SPATA9: variants seen among roughly 807,000 people sequenced by gnomAD.
The protein encoded by SPATA9 is spermatogenesis-associated protein 9.
A neutral mutation model predicts 25.5 loss-of-function variants in SPATA9; 27 were observed. That is an observed-to-expected ratio of 1.06 (90% CI 0.78 to 1.46). The LOEUF (loss-of-function observed/expected upper bound fraction) is 1.46. Ranked by LOEUF, SPATA9 falls within the 40% of genes most tolerant of loss-of-function variation. The pLI is 0.00. For missense variants in SPATA9, 282 were observed against 297.5 expected, an observed-to-expected ratio of 0.95 and a Z score of 0.38; for synonymous variants, 102 against 105.7, an observed-to-expected ratio of 0.97 and a Z score of 0.21.
chr5:95,668,247 T>G (rs1399978076), intron 3 of SPATA9, among the ~76,000 whole-genome samples: 4 of 152,232 alleles, frequency 2.6e-5, no homozygotes, highest in Admixed American at 6.5e-5. Flanking sequence ...TCAAAATAAA[T>G]TATGTACTTG....
chr5:95,699,355 T>G (rs1754122978), upstream of SPATA9, among the ~76,000 whole-genome samples: 1 of 152,168 alleles, frequency 6.6e-6, no homozygotes, highest in Admixed American at 6.5e-5. Flanking sequence ...GTACAGTAAG[T>G]ATCACAGTGC....
downstream of SPATA9, chr5:95,652,954 T>G (rs1305325951): frequency 1.1e-6 from 1 of 914,182 alleles, no homozygotes; most frequent in Non-Finnish European, 1.6e-6. Context: ...TGCTTTATAC[T>G]CTTCAGTGGC....
At chr5:95,721,622 T>C in the SPATA9 span, among the ~76,000 whole-genome samples, 1 of 151,430 alleles carries the variant, frequency 6.6e-6, no homozygotes, top group Non-Finnish European at 1.5e-5. Flanking sequence ...GAGATATTAC[T>C]GAGGTCCCAG....
chr5:95,700,049 G>A (rs770586171), upstream of SPATA9, among the ~76,000 whole-genome samples: 22 of 152,128 alleles, frequency 1.4e-4, no homozygotes, highest in African/African-American at 3.9e-4. Flanking sequence ...TATGAAGAGC[G>A]TCAAGAAGAA....
chr5:95,652,726 G>C (rs1288970702), downstream of SPATA9: 1 of 240,604 alleles, frequency 4.2e-6, no homozygotes, highest in African/African-American at 2.3e-5. Flanking sequence ...CCTTTGAATA[G>C]TGCCTGGCAC....
chr5:95,727,151 TA>T, the SPATA9 span, among the ~76,000 whole-genome samples: 1 of 152,232 alleles, frequency 6.6e-6, no homozygotes, highest in African/African-American at 2.4e-5. Flanking sequence ...AATATTTTTT[TA>T]AAAGACAGCA....
chr5:95,713,430 T>C, the SPATA9 span: 17 of 151,918 alleles, frequency 1.1e-4, no homozygotes. Context: ...TCTCAGGAGA[T>C]CTGGTTGGTT....
chr5:95,731,631 C>A, the SPATA9 span: 1 of 1,611,182 alleles, frequency 6.2e-7, no homozygotes. Context: ...CCCGCGAAGC[C>A]GTGAGCCGCT....
At chr5:95,685,048 G>C (rs1042277938), upstream of SPATA9, among the ~76,000 whole-genome samples, 1 of 152,206 alleles carries the variant, frequency 6.6e-6, no homozygotes, top group African/African-American at 2.4e-5. Context: ...AAATCTGGGG[G>C]TCAGTCAGAC....
upstream of SPATA9, among the ~76,000 whole-genome samples, chr5:95,700,296 A>T (rs951215317): frequency 2.0e-5 from 3 of 151,852 alleles, no homozygotes; most frequent in Admixed American, 2.0e-4. Flanking sequence ...AACTACATTT[A>T]AAAAAAATTT....
intron 4 of SPATA9, among the ~76,000 whole-genome samples, chr5:95,660,130 G>A (rs1470509041): frequency 1.3e-5 from 2 of 152,122 alleles, no homozygotes; most frequent in East Asian, 3.8e-4. Flanking sequence ...CACAGTTCTG[G>A]AGAGTGGGAA....
At chr5:95,690,081 A>G (rs1753843921) in intron 1 of SPATA9, among the ~76,000 whole-genome samples, 1 of 152,164 alleles carries the variant, frequency 6.6e-6, no homozygotes, top group Admixed American at 6.6e-5. Context: ...AATATTGGGT[A>G]CTATGCTTAA....
chr5:95,720,333 C>T, the SPATA9 span, among the ~76,000 whole-genome samples: 1 of 145,794 alleles, frequency 6.9e-6, no homozygotes, highest in Non-Finnish European at 1.5e-5. Flanking sequence ...TAGATCAATT[C>T]ACTTCCTGCA....
chr5:95,714,445 G>C, the SPATA9 span, among the ~76,000 whole-genome samples: 2 of 152,134 alleles, frequency 1.3e-5, no homozygotes, highest in Non-Finnish European at 2.9e-5. Flanking sequence ...AAAAACAAAA[G>C]TGTTTTGCAA....
At chr5:95,707,273 G>A in the SPATA9 span, among the ~76,000 whole-genome samples, 2 of 152,192 alleles carry the variant, frequency 1.3e-5, no homozygotes, top group African/African-American at 4.8e-5. Flanking sequence ...AGAATGATAA[G>A]AAAAGAGAGT....
the SPATA9 span, among the ~76,000 whole-genome samples, chr5:95,730,284 T>C: frequency 6.6e-6 from 1 of 152,160 alleles, no homozygotes; most frequent in Non-Finnish European, 1.5e-5. Flanking sequence ...AGTCCAATTT[T>C]ACAGAAGGGA....
chr5:95,723,664 T>C, the SPATA9 span, among the ~76,000 whole-genome samples: 1 of 152,358 alleles, frequency 6.6e-6, no homozygotes, highest in African/African-American at 2.4e-5. Flanking sequence ...TTCACAGAGC[T>C]GATTTCTAGG....
chr5:95,664,309 A>G lies in SPATA9; in HGVS notation c.379-261T>C, dbSNP rs1751552719. Among the ~76,000 whole-genome samples the G allele has an allele frequency of 2.0e-5, 3 of 152,188 alleles. No homozygotes were observed. The South Asian group carries it at 6.2e-4, about 32-fold the overall frequency. ...TCTAAATGACTAATTTTTGCCAATT[A>G]CCAACTGTGCACACTAGGAGGTGCT... On this transcript the variant is annotated intron_variant, in intron 3 of 4. Coordinates refer to ENST00000274432, the MANE Select transcript of SPATA9 (RefSeq NM_031952.4).
chr5:95,666,631 T>C (rs915732489), intron 3 of SPATA9, among the ~76,000 whole-genome samples: 1 of 152,176 alleles, frequency 6.6e-6, no homozygotes, highest in Non-Finnish European at 1.5e-5. Flanking sequence ...CAAGTATGAT[T>C]GATTCCATTT....
Sources: gnomAD v4.1 joint callset for allele counts (sites outside exome capture counted in the v4.1 genomes callset) on GRCh38, gnomAD v4.1.1 for gene constraint, MANE v1.5 for transcripts, NCBI Gene and HGNC (gene_info 2026-07-23, HGNC 2026-07-21) for gene names.